JADE3: variants seen among roughly 807,000 people sequenced by gnomAD.
The protein encoded by JADE3 is protein Jade-3.
Under a neutral mutation model 50.1 loss-of-function variants are expected in JADE3, and 2 were observed. The observed-to-expected ratio is 0.04, with a 90% CI of 0.02 to 0.13. The LOEUF (loss-of-function observed/expected upper bound fraction) is 0.13. Ranked by LOEUF, JADE3 falls within the 10% of genes least tolerant of loss-of-function variation. JADE3 has a pLI of 1.00. For synonymous variants in JADE3, 218 were observed against 232.9 expected (o/e 0.94, Z 0.58); for missense variants, 475 against 634.4 (o/e 0.75, Z 2.70).
chrX:46,953,678 G>A (rs1358528763), intron 1 of JADE3, among the ~76,000 whole-genome samples: 2 of 112,123 alleles, frequency 1.8e-5, no homozygotes. Context: ...GTTGCTAAGA[G>A]TAAGCAGATT....
chrX:46,926,223 T>G (rs1926363058), intron 1 of JADE3, among the ~76,000 whole-genome samples: 1 of 103,725 alleles, frequency 9.6e-6, no homozygotes, highest in Admixed American at 1.1e-4. Context: ...ATACAGTAGG[T>G]TGGACTTTTT....
intron 3 of JADE3, among the ~76,000 whole-genome samples, chrX:46,991,861 G>A (rs1011934788): frequency 4.2e-4 from 47 of 111,246 alleles, no homozygotes; most frequent in African/African-American, 1.4e-3. Context: ...AGTCTTTAGC[G>A]TAGTAGAGGG....
chrX:46,944,462 T>C (rs782305920), intron 1 of JADE3, among the ~76,000 whole-genome samples: 1 of 109,399 alleles, frequency 9.1e-6, no homozygotes, highest in South Asian at 4.1e-4. Flanking sequence ...CCCACCACCA[T>C]GCCCAACTAA....
chrX:46,987,245 T>C (rs781892797), intron 3 of JADE3, among the ~76,000 whole-genome samples: 2 of 112,726 alleles, frequency 1.8e-5, no homozygotes, highest in African/African-American at 6.4e-5. Flanking sequence ...GCCTTTTCCA[T>C]AGATCCTCTC....
intron 4 of JADE3, among the ~76,000 whole-genome samples, chrX:47,023,934 T>C (rs367797779): frequency 9.0e-6 from 1 of 111,472 alleles, no homozygotes. Flanking sequence ...AACAAACAAA[T>C]AAAGTAATAG....
intron 4 of JADE3, among the ~76,000 whole-genome samples, chrX:47,022,759 A>G (rs1446704179): frequency 9.0e-6 from 1 of 111,558 alleles, no homozygotes; most frequent in African/African-American, 3.3e-5. Context: ...AAATTTTCTG[A>G]GGCCTCATAC....
chrX:46,913,576 GTTTT>G (rs1453567528), intron 1 of JADE3, among the ~76,000 whole-genome samples: 1 of 110,992 alleles, frequency 9.0e-6, no homozygotes. Context: ...GTTTTGTTTT[GTTTT>G]TTGTTTGTTT....
intron 6 of JADE3, 78 bp from the exon 7 acceptor site, chrX:47,033,543 G>A: frequency 2.5e-6 from 2 of 813,208 alleles, no homozygotes; most frequent in African/African-American, 4.1e-5. Context: ...AGGATACTCT[G>A]TGACTGTGTA....
At chrX:46,991,888 T>C (rs967958199) in intron 3 of JADE3, among the ~76,000 whole-genome samples, 12 of 111,138 alleles carry the variant, frequency 1.1e-4, no homozygotes, top group African/African-American at 3.9e-4. Context: ...GGAGGGGCAG[T>C]ATTCGCTAAT....
intron 1 of JADE3, among the ~76,000 whole-genome samples, chrX:46,957,213 TTAGATAGATAGATAGATAGA>T (rs61650300): frequency 6.1e-5 from 6 of 98,547 alleles, no homozygotes; most frequent in South Asian, 1.0e-3. Context: ...TTCAGATAGA[TTAGATAGATAGATAGATAGA>T]TAGATAGATA....
At chrX:46,923,305 G>A (rs1333120529) in intron 1 of JADE3, among the ~76,000 whole-genome samples, 1 of 106,546 alleles carries the variant, frequency 9.4e-6, no homozygotes, top group African/African-American at 3.4e-5. Flanking sequence ...GTGAGCCACT[G>A]CGCCCAGCAA....
chrX:46,977,819 T>C (rs1927658805), intron 1 of JADE3, among the ~76,000 whole-genome samples: 1 of 111,237 alleles, frequency 9.0e-6, no homozygotes, highest in African/African-American at 3.3e-5. Flanking sequence ...GGCAGAACAA[T>C]TATTGACTGC....
chrX:47,020,443 C>T (rs1242374106), intron 4 of JADE3, among the ~76,000 whole-genome samples: 2 of 111,602 alleles, frequency 1.8e-5, no homozygotes, highest in Non-Finnish European at 3.8e-5. Context: ...TATATATACT[C>T]GAAGATATTG....
At chrX:46,917,376 C>T (rs1307219267) in intron 1 of JADE3, among the ~76,000 whole-genome samples, 1 of 110,957 alleles carries the variant, frequency 9.0e-6, no homozygotes, top group Non-Finnish European at 1.9e-5. Context: ...TTCCTGTGTC[C>T]CGAGTACTGT....
At chrX:46,941,277 A>G (rs191135087) in intron 1 of JADE3, among the ~76,000 whole-genome samples, 2 of 111,832 alleles carry the variant, frequency 1.8e-5, no homozygotes, top group African/African-American at 3.2e-5. Flanking sequence ...ATAGTATTCT[A>G]TGGTATATAA....
chrX:47,005,041 C>G (rs1174061399), intron 4 of JADE3, among the ~76,000 whole-genome samples: 1 of 111,326 alleles, frequency 9.0e-6, no homozygotes, highest in Non-Finnish European at 1.9e-5. Flanking sequence ...GAAAGCAGAA[C>G]AGCTAGAGTC....
At chrX:46,945,129 G>A (rs947895340) in intron 1 of JADE3, among the ~76,000 whole-genome samples, 1 of 109,010 alleles carries the variant, frequency 9.2e-6, no homozygotes, top group Non-Finnish European at 1.9e-5. Context: ...AGTGCTGGGA[G>A]GTGCCCAGTC....
chrX:47,014,048 T>C (rs1486020270), intron 4 of JADE3, among the ~76,000 whole-genome samples: 1 of 112,178 alleles, frequency 8.9e-6, no homozygotes, highest in African/African-American at 3.2e-5. Flanking sequence ...ATTGTACTCA[T>C]AAAGCCATGT....
intron 6 of JADE3, among the ~76,000 whole-genome samples, chrX:47,028,394 G>T (rs183992102): frequency 7.6e-4 from 84 of 109,806 alleles, no homozygotes; most frequent in African/African-American, 2.7e-3. Context: ...GCCCCAGGGG[G>T]ATCTCATTGC....
Sources: allele counts gnomAD v4.1 joint callset (sites outside exome capture counted in the v4.1 genomes callset), GRCh38; gene constraint gnomAD v4.1.1; transcripts MANE v1.5; gene names NCBI Gene and HGNC (gene_info 2026-07-23, HGNC 2026-07-21).